FRMD4A: variants seen among roughly 807,000 people sequenced by gnomAD.
The protein encoded by FRMD4A is FERM domain containing 4A.
Under a neutral mutation model 129.1 loss-of-function variants are expected in FRMD4A, and 29 were observed. That is an observed-to-expected ratio of 0.22 (90% confidence interval 0.17 to 0.31). The LOEUF is 0.31. Among genes scored for constraint, FRMD4A ranks in the 10% least tolerant of loss-of-function variants. The pLI, the probability that FRMD4A is intolerant of heterozygous loss-of-function variation, is 1.00. For synonymous variants in FRMD4A, 634 were observed against 571.6 expected (o/e 1.11, Z -1.56); for missense variants, 1,272 against 1,375.8 (o/e 0.92, Z 1.19).
At chr10:13,992,109 A>T (rs1208903782) in intron 2 of FRMD4A, 1 of 152,238 alleles carries the variant, frequency 6.6e-6, no homozygotes, top group Admixed American at 6.5e-5. Flanking sequence ...ATTTTGAAAA[A>T]GCCTCAGAAG....
At chr10:14,311,843 A>G (rs1846560786) in intron 2 of FRMD4A, among the ~76,000 whole-genome samples, 2 of 151,618 alleles carry the variant, frequency 1.3e-5, no homozygotes, top group African/African-American at 2.4e-5. Context: ...TACATATTCC[A>G]TTTCATCTGG....
intron 2 of FRMD4A, among the ~76,000 whole-genome samples, chr10:14,267,184 T>G (rs536962761): frequency 2.6e-5 from 4 of 152,326 alleles, no homozygotes; most frequent in African/African-American, 9.6e-5. Flanking sequence ...GTCAAGCTCT[T>G]GGGATTTTTA....
At position 14,128,054 on chromosome 10, in the gene FRMD4A, T is replaced by C. The variant is rs558650602; in HGVS notation, c.45+202004A>G. Among the ~76,000 whole-genome samples, 130 of 27,330 alleles carry C rather than the reference T, an allele frequency of 4.8e-3. 7 individuals carry two copies. The highest frequency in any genetic ancestry group is 0.02 in the East Asian group (9 of 460). The allele number at this position is 27,330 out of a possible 152,430, so 17.9% of individuals were successfully genotyped here. A position where few individuals can be genotyped will look rare whatever the true frequency, so the allele number is the denominator to read the frequency against. ...TTCCTTCCTTTCTTTCCCTCTTTCTTTCTTTCTTTCTTTCTTTCTTTCTTT... is the reference window on the plus strand; with the variant it reads ...TTCCTTCCTTTCTTTCCCTCTTTCTCTCTTTCTTTCTTTCTTTCTTTCTTT... On this transcript the variant is annotated intron_variant, in intron 2 of 24. Transcript: ENST00000357447.
chr10:14,037,300 C>T (rs972805206), intron 2 of FRMD4A, among the ~76,000 whole-genome samples: 7 of 152,212 alleles, frequency 4.6e-5, no homozygotes, highest in Admixed American at 1.3e-4. Context: ...GGGCAGTACA[C>T]TCTGCCTCCA....
At chr10:13,756,958 A>G (rs1206455791) in intron 8 of FRMD4A, among the ~76,000 whole-genome samples, 1 of 152,244 alleles carries the variant, frequency 6.6e-6, no homozygotes, top group African/African-American at 2.4e-5. Flanking sequence ...GGAAGAGAAC[A>G]TTAGTTTTTC....
intron 2 of FRMD4A, among the ~76,000 whole-genome samples, chr10:14,162,802 T>C (rs1221689258): frequency 6.6e-6 from 1 of 152,096 alleles, no homozygotes; most frequent in Non-Finnish European, 1.5e-5. Context: ...TAAATGTTAA[T>C]CTCTTTCAAA....
rs534953291 is a variant in FRMD4A, at chr10:13,847,915, G to C, written c.111+10932C>G. 1.0e-3 allele frequency among the ~76,000 whole-genome samples: 157 copies of C among 152,320 alleles called. 1 individual carries two copies. Among genetic ancestry groups the C allele is most frequent in the African/African-American group, 3.6e-3 (151 of 41,574 alleles). ...TAAGCAATGTGCCCAAAATCAAACT[G>C]TGAGTTATGGATTAATAAAAACGAT... On this transcript the variant is annotated intron_variant, in intron 3 of 24. Coordinates refer to ENST00000357447, the MANE Select transcript of FRMD4A (RefSeq NM_018027.5).
In FRMD4A at chr10:13,795,914, C is replaced by T. The variant is rs191976201; in HGVS notation, c.299+582G>A. Among the ~76,000 whole-genome samples the T allele has an allele frequency of 3.9e-5, 6 of 152,296 alleles. No homozygotes were observed. In the East Asian group the frequency reaches 7.7e-4, roughly 20 times the overall value. The stretch of plus-strand genomic sequence containing the variant: ...ATTTAAATCACTATAGCCCACAAAT[C>T]GTTCCCTTTGCAAGCACAAAACAAA... On this transcript the variant is annotated intron_variant, in intron 5 of 24. Transcript: ENST00000357447.
chr10:13,650,676 T>C (rs74121358), intron 24 of FRMD4A, among the ~76,000 whole-genome samples: 7,274 of 152,238 alleles, frequency 0.048, 494 homozygotes, highest in African/African-American at 0.14. Context: ...GTCCCTGTCC[T>C]AATTGCCCAT....
chr10:13,881,003 A>G (rs1015265369), intron 2 of FRMD4A, among the ~76,000 whole-genome samples: 5 of 152,084 alleles, frequency 3.3e-5, no homozygotes, highest in Admixed American at 2.0e-4. Context: ...AGGCATACCA[A>G]TAGGTATGTG....
chr10:14,024,677 C>G (rs760886115), intron 2 of FRMD4A, among the ~76,000 whole-genome samples: 4 of 152,164 alleles, frequency 2.6e-5, no homozygotes, highest in Non-Finnish European at 5.9e-5. Flanking sequence ...GGGCATAAAG[C>G]GAGGCCACCA....
At chr10:13,668,230 A>G (rs2083221458) in intron 17 of FRMD4A, 1 of 152,290 alleles carries the variant, frequency 6.6e-6, no homozygotes, top group African/African-American at 2.4e-5. Flanking sequence ...CAGAGGGAGA[A>G]GAATATCAAC....
chr10:13,990,768 G>C (rs1438041872), intron 2 of FRMD4A, among the ~76,000 whole-genome samples: 2 of 152,118 alleles, frequency 1.3e-5, no homozygotes, highest in Non-Finnish European at 2.9e-5. Context: ...GCCAGAATCC[G>C]CATTTGGGAA....
chr10:14,106,586 T>C (rs1837599329), intron 2 of FRMD4A, among the ~76,000 whole-genome samples: 1 of 152,256 alleles, frequency 6.6e-6, no homozygotes, highest in South Asian at 2.1e-4. Flanking sequence ...AATTTCCTTT[T>C]TCTCACATGA....
chr10:14,299,027 G>A (rs1231147598), intron 2 of FRMD4A, among the ~76,000 whole-genome samples: 3 of 152,152 alleles, frequency 2.0e-5, no homozygotes, highest in South Asian at 2.1e-4. Flanking sequence ...TCCCTGGGAC[G>A]GAGCCATTTC....
At chr10:13,863,874 T>A (rs2094327385) in intron 2 of FRMD4A, among the ~76,000 whole-genome samples, 1 of 152,120 alleles carries the variant, frequency 6.6e-6, no homozygotes, top group Non-Finnish European at 1.5e-5. Context: ...TGGTTTAGGC[T>A]TAGATTGGAA....
At chr10:13,656,381 G>A (rs2082145478) in intron 22 of FRMD4A, among the ~76,000 whole-genome samples, 1 of 152,202 alleles carries the variant, frequency 6.6e-6, no homozygotes, top group Non-Finnish European at 1.5e-5. Flanking sequence ...AGAAATGGGA[G>A]AGCTGGCCCA....
intron 14 of FRMD4A, among the ~76,000 whole-genome samples, chr10:13,698,920 G>A (rs1222896718): frequency 6.6e-6 from 1 of 152,128 alleles, no homozygotes; most frequent in Non-Finnish European, 1.5e-5. Context: ...TTCTCCTTCT[G>A]GGAGCGTGGG....
intron 2 of FRMD4A, among the ~76,000 whole-genome samples, chr10:14,245,259 C>T (rs950797658): frequency 6.6e-6 from 1 of 152,216 alleles, no homozygotes; most frequent in African/African-American, 2.4e-5. Flanking sequence ...AGAGCATAGG[C>T]ACCGGCCTTA....
Sources: allele counts gnomAD v4.1 joint callset (sites outside exome capture counted in the v4.1 genomes callset), GRCh38; gene constraint gnomAD v4.1.1; transcripts MANE v1.5; gene names NCBI Gene and HGNC (gene_info 2026-07-23, HGNC 2026-07-21).